IMPA1: variants seen among roughly 807,000 people sequenced by gnomAD.
IMPA1 encodes inositol monophosphatase 1, also known as D-galactose 1-phosphate phosphatase.
In IMPA1, 21 loss-of-function variants were observed where a neutral mutation model predicts 34.9. That is an observed-to-expected ratio of 0.60 (90% CI 0.43 to 0.87). The LOEUF is 0.87. Among genes scored for constraint, IMPA1 ranks in the 40% least tolerant of loss-of-function variants. IMPA1 has a pLI of 0.00. For missense variants in IMPA1, 299 were observed against 336.4 expected, an observed-to-expected ratio of 0.89 and a Z score of 0.87; for synonymous variants, 95 against 104.4, an observed-to-expected ratio of 0.91 and a Z score of 0.55.
chr8:81,670,342 T>C (rs1437300340), intron 7 of IMPA1, among the ~76,000 whole-genome samples: 2 of 151,318 alleles, frequency 1.3e-5, no homozygotes, highest in South Asian at 2.1e-4. Context: ...AAAGGAATTA[T>C]AATAAATTTT....
At chr8:81,678,851 T>A (rs551849893) in intron 4 of IMPA1, among the ~76,000 whole-genome samples, 1 of 152,290 alleles carries the variant, frequency 6.6e-6, no homozygotes, top group Admixed American at 6.5e-5. Flanking sequence ...TGCTTCCCTT[T>A]TTAGATAGTG....
chr8:81,664,735 G>T (rs1444923769), intron 7 of IMPA1, among the ~76,000 whole-genome samples: 2 of 151,942 alleles, frequency 1.3e-5, no homozygotes, highest in African/African-American at 4.8e-5. Context: ...GGGGACGGGG[G>T]AGGGATAGCA....
At chr8:81,662,010 T>TA (rs913693916) in intron 7 of IMPA1, among the ~76,000 whole-genome samples, 1 of 152,228 alleles carries the variant, frequency 6.6e-6, no homozygotes, top group East Asian at 1.9e-4. Context: ...AAAATAAAAA[T>TA]AAAAAAATTG....
At chr8:81,674,529 G>T in intron 5 of IMPA1, 1 of 249,526 alleles carries the variant, frequency 4.0e-6, no homozygotes, top group African/African-American at 2.3e-5. Flanking sequence ...CAAATGCCTT[G>T]TCTGAAGAAT....
intron 7 of IMPA1, 102 bp downstream of exon 7, chr8:81,670,837 T>C (rs1806963778): frequency 5.2e-6 from 3 of 575,944 alleles, no homozygotes; most frequent in African/African-American, 2.0e-5. Flanking sequence ...TTAGAAACCA[T>C]GATGTATATA....
intron 4 of IMPA1, 77 bp from the exon 5 acceptor site, chr8:81,676,356 A>T: frequency 2.9e-6 from 2 of 683,774 alleles, no homozygotes; most frequent in Non-Finnish European, 4.6e-6. Context: ...TTTTCATAAT[A>T]TAAGTGTTCT....
intron 2 of IMPA1, among the ~76,000 whole-genome samples, chr8:81,681,230 A>T (rs1224320105): frequency 6.6e-6 from 1 of 152,166 alleles, no homozygotes; most frequent in African/African-American, 2.4e-5. Context: ...ACAAAAATTT[A>T]AAAAATGAAA....
rs1806578258 is a variant in IMPA1, at chr8:81,658,450, C to T, written c.*901G>A. 6.6e-6 allele frequency: 1 copy of T among 152,268 alleles called. No homozygotes were observed. Among genetic ancestry groups the T allele is most frequent in the Admixed American group, 6.6e-5 (1 of 15,266 alleles). The allele number at this position is 152,268 out of a possible 1,614,324, so 9.4% of individuals were successfully genotyped here. On this transcript the variant is annotated 3_prime_UTR_variant, in exon 9 of 9. Transcript: ENST00000256108. ...GCCAGCACAATCAAATCAGTATAAA[C>T]ACCTTTAAAACATGAATACTGAACT...
At position 81,686,091 on chromosome 8, in the gene IMPA1, C is replaced by T. The variant is rs967424082; in HGVS notation, c.-25+161G>A. 10 of 906,850 alleles carry T rather than the reference C, an allele frequency of 1.1e-5. No individual in the cohort carries two copies. In the Admixed American group the frequency reaches 2.5e-4, roughly 22 times the overall value. 56.2% of individuals were successfully genotyped at this position (906,850 alleles called of 1,614,324 possible). A position where few individuals can be genotyped will look rare whatever the true frequency, so the allele number is the denominator to read the frequency against. On this transcript the variant is annotated intron_variant, in intron 1 of 8. Transcript: ENST00000256108. ...TGTTCCCGGTCGCCCAGGGCAGCTC[C>T]GGATAACGCAGCAGGCAGGGGTCAC...
chr8:81,686,243 C>T lies in IMPA1; in HGVS notation c.-25+9G>A. Reference sequence around the variant, plus strand: ...CCGGAGGGTGCGGTGAGGAAAATAACGGTCTCACCTTGAGTCGGAGGACGT... The same window carrying T: ...CCGGAGGGTGCGGTGAGGAAAATAATGGTCTCACCTTGAGTCGGAGGACGT... On this transcript the variant is annotated intron_variant, in intron 1 of 8. Transcript: ENST00000256108. 2 of 1,016,922 alleles carry T rather than the reference C, an allele frequency of 2.0e-6. No homozygotes were observed. The allele number at this position is 1,016,922 out of a possible 1,614,324, so 63.0% of individuals were successfully genotyped here.
At chr8:81,660,325 T>A (rs1172461490) in intron 8 of IMPA1, among the ~76,000 whole-genome samples, 191 bp downstream of exon 8, 1 of 152,160 alleles carries the variant, frequency 6.6e-6, no homozygotes, top group Non-Finnish European at 1.5e-5. Flanking sequence ...TCATTGTAAG[T>A]CTCACATTAC....
chr8:81,678,960 T>G (rs1165527250), intron 4 of IMPA1, among the ~76,000 whole-genome samples, 166 bp downstream of exon 4: 2 of 152,240 alleles, frequency 1.3e-5, no homozygotes, highest in Non-Finnish European at 2.9e-5. Flanking sequence ...TAAGTCTGCA[T>G]AATACATTTT....
At chr8:81,686,096 A>G (rs1426583855) in intron 1 of IMPA1, 156 bp downstream of exon 1, 1 of 883,608 alleles carries the variant, frequency 1.1e-6, no homozygotes, top group Admixed American at 4.2e-5. Flanking sequence ...AGCTCCGGAT[A>G]ACGCAGCAGG....
intron 1 of IMPA1, among the ~76,000 whole-genome samples, chr8:81,684,568 G>C (rs1444970384): frequency 7.3e-6 from 1 of 137,908 alleles, no homozygotes; most frequent in East Asian, 2.2e-4. Flanking sequence ...CTAATGTGTA[G>C]TATATATACT....
chr8:81,685,277 G>T (rs1441522326), intron 1 of IMPA1, among the ~76,000 whole-genome samples: 4 of 127,202 alleles, frequency 3.1e-5, no homozygotes, highest in African/African-American at 9.4e-5. Context: ...ACTATATATA[G>T]TATATATAGT....
intron 3 of IMPA1, among the ~76,000 whole-genome samples, chr8:81,679,540 T>C (rs1014816917): frequency 5.3e-5 from 8 of 149,802 alleles, no homozygotes; most frequent in African/African-American, 2.0e-4. Context: ...TTTAGCCTGG[T>C]AGGCGGAGGT....
chr8:81,670,889 A>G (rs199772743), intron 7 of IMPA1, 50 bp downstream of exon 7: 5 of 880,186 alleles, frequency 5.7e-6, no homozygotes, highest in East Asian at 2.9e-5. Flanking sequence ...AGGTGTGTGC[A>G]CACACACACG....
intron 7 of IMPA1, among the ~76,000 whole-genome samples, chr8:81,668,616 A>C (rs568839445): frequency 3.8e-4 from 58 of 152,208 alleles, no homozygotes; most frequent in Middle Eastern, 6.8e-3. Context: ...AAACAAACAA[A>C]CAACCAAAAA....
intron 4 of IMPA1, among the ~76,000 whole-genome samples, chr8:81,678,175 T>C (rs1044105612): frequency 8.5e-5 from 13 of 152,084 alleles, no homozygotes; most frequent in African/African-American, 2.9e-4. Flanking sequence ...CATGCAATTT[T>C]TTTTTTTTTG....
Sources: gnomAD v4.1 joint callset for allele counts (sites outside exome capture counted in the v4.1 genomes callset) on GRCh38, gnomAD v4.1.1 for gene constraint, MANE v1.5 for transcripts, NCBI Gene and HGNC (gene_info 2026-07-23, HGNC 2026-07-21) for gene names.